The following MINDY4B variants were observed in gnomAD, a reference collection of about 807,000 sequenced individuals.
MINDY4B encodes MINDY family member 4B.
In MINDY4B, 25 loss-of-function variants were observed where a neutral mutation model predicts 16.7. The ratio of observed to expected loss-of-function variants is 1.49; its 90% CI spans 1.09 to 2.09. The LOEUF (loss-of-function observed/expected upper bound fraction) is 2.09. Among genes scored for constraint, MINDY4B ranks in the 30% most tolerant of loss-of-function variants. The pLI is 0.00. For synonymous variants in MINDY4B, 132 were observed against 61.9 expected (o/e 2.13, Z -5.32); for missense variants, 327 against 168.4 (o/e 1.94, Z -5.21).
chr3:150,881,160 A>G (rs1370471407), intron 10 of MINDY4B, among the ~76,000 whole-genome samples: 2 of 152,190 alleles, frequency 1.3e-5, no homozygotes, highest in Non-Finnish European at 2.9e-5. Flanking sequence ...AGGTGGGTGG[A>G]TAAATTGAGA....
chr3:150,892,996 G>T (rs1711855826), intron 5 of MINDY4B, among the ~76,000 whole-genome samples: 1 of 151,044 alleles, frequency 6.6e-6, no homozygotes. Context: ...TCACCCCTTT[G>T]TTCCTCCCTA....
rs142472450 is a variant in MINDY4B, at chr3:150,890,434, C to T, written c.688-49G>A. On this transcript the variant is annotated intron_variant, in intron 6 of 11. Transcript: ENST00000465419. ...AAAATGAAAAGGAAGATGAAAGTTA[C>T]ATCTAAGAGATGTCAACTCACTGTT... is the stretch of plus-strand genomic sequence containing the variant. The T allele has an allele frequency of 1.4e-4, 79 of 570,906 alleles. No individual in the cohort carries two copies. In the East Asian group the frequency reaches 2.2e-3, roughly 16 times the overall value. The allele number at this position is 570,906 out of a possible 1,614,324, so 35.4% of individuals were successfully genotyped here.
At chr3:150,895,762 G>C (rs1711946187) in intron 3 of MINDY4B, among the ~76,000 whole-genome samples, 1 of 152,142 alleles carries the variant, frequency 6.6e-6, no homozygotes, top group Non-Finnish European at 1.5e-5. Flanking sequence ...ACCACACCTG[G>C]CCTTGTCTCA....
chr3:150,877,787 A>G (rs762473214), intron 10 of MINDY4B, among the ~76,000 whole-genome samples: 1 of 152,212 alleles, frequency 6.6e-6, no homozygotes, highest in Non-Finnish European at 1.5e-5. Flanking sequence ...CAACACGAGT[A>G]TACCTATAAC....
intron 3 of MINDY4B, among the ~76,000 whole-genome samples, chr3:150,895,107 C>T (rs1393863759): frequency 6.6e-6 from 1 of 152,114 alleles, no homozygotes; most frequent in Admixed American, 6.5e-5. Flanking sequence ...GGGATAAGTG[C>T]TTCCCATTTA....
rs1711797767 is a variant in MINDY4B at position 150,891,263 on chromosome 3, A to G, written c.522-160T>C. 5 of 598,176 alleles carry G rather than the reference A, an allele frequency of 8.4e-6. No individual in the cohort carries two copies. The South Asian group carries it at 9.6e-5, about 12-fold the overall frequency. The allele number at this position is 598,176 out of a possible 1,614,324, so 37.1% of individuals were successfully genotyped here. A position where few individuals can be genotyped will look rare whatever the true frequency, so the allele number is the denominator to read the frequency against. Reference sequence around the variant, plus strand: ...CAAAGTTCCTGCCCTTGACTTTTATACTGCATTGAATACACTCAGGGTCTG... The same window carrying G: ...CAAAGTTCCTGCCCTTGACTTTTATGCTGCATTGAATACACTCAGGGTCTG... On this transcript the variant is annotated intron_variant, in intron 5 of 11. Transcript: ENST00000465419.
At chr3:150,897,321 CTGTGTGTG>C (rs3062408) in intron 3 of MINDY4B, among the ~76,000 whole-genome samples, 1,463 of 130,584 alleles carry the variant, frequency 0.011, 14 homozygotes, top group African/African-American at 0.027. Flanking sequence ...GTGACTGGAA[CTGTGTGTG>C]TGTGTGTGTG....
chr3:150,883,792 A>G lies in MINDY4B; in HGVS notation c.825-20T>C, dbSNP rs1384474348. 1 of 702,600 alleles carries G rather than the reference A, an allele frequency of 1.4e-6. No individual in the cohort carries two copies. The allele number at this position is 702,600 out of a possible 1,614,324, so 43.5% of individuals were successfully genotyped here. A position where few individuals can be genotyped will look rare whatever the true frequency, so the allele number is the denominator to read the frequency against. On this transcript the variant is annotated intron_variant, in intron 8 of 11. Transcript: ENST00000465419. ...TGAAGCCTGCAGAGTGGGAGAAGCC[A>G]TCAGCATCCAGTCAGAGACAGTGCA...
intron 5 of MINDY4B, among the ~76,000 whole-genome samples, chr3:150,891,926 A>G (rs1711823768): frequency 6.6e-6 from 1 of 152,192 alleles, no homozygotes; most frequent in Admixed American, 6.5e-5. Flanking sequence ...AGACGTAGTT[A>G]CTTGTTCACA....
intron 10 of MINDY4B, among the ~76,000 whole-genome samples, chr3:150,880,305 CTGTGTGTGTGTGTGTGTG>C (rs60659488): frequency 6.7e-6 from 1 of 149,778 alleles, no homozygotes; most frequent in Non-Finnish European, 1.5e-5. Context: ...AGGTTCCCAT[CTGTGTGTGTGTGTGTGTG>C]TGTGTGTGTG....
Position 150,873,318 on chromosome 3 carries a change from A to T in MINDY4B, c.1109T>A (p.Ile370Asn). The T allele has an allele frequency of 1.4e-6, 1 of 702,854 alleles. No homozygotes were observed. Among genetic ancestry groups the T allele is most frequent in the South Asian group, 1.5e-5 (1 of 67,596 alleles). 43.5% of individuals were successfully genotyped at this position (702,854 alleles called of 1,614,324 possible). Residue 370 changes from isoleucine (I) to asparagine (N), a missense_variant, in exon 11 of 12, where the codon ATC becomes AAC. By Grantham distance (149) the Ile-to-Asn change is moderately radical. Coordinates refer to ENST00000465419, the MANE Select transcript of MINDY4B (RefSeq NM_001351281.2). ...TPKLPIWLCN[I>N]NGNYSILFCT... ...AAAAAGGATGCTGTAATTTCCATTGATGTTGCACAGCCAAATAGGTAATTT... is the reference window on the plus strand; with the variant it reads ...AAAAAGGATGCTGTAATTTCCATTGTTGTTGCACAGCCAAATAGGTAATTT...
intron 3 of MINDY4B, among the ~76,000 whole-genome samples, chr3:150,902,755 T>C (rs959948835): frequency 1.3e-5 from 2 of 152,226 alleles, no homozygotes; most frequent in Non-Finnish European, 2.9e-5. Flanking sequence ...CATGTTCTTT[T>C]CAAATCTGCA....
At chr3:150,905,129 C>T (rs1352468451) in intron 1 of MINDY4B, 40 bp from the exon 2 acceptor site, 1 of 398,424 alleles carries the variant, frequency 2.5e-6, no homozygotes, top group Admixed American at 4.4e-5. Context: ...ATTACTCACT[C>T]TCTTCAAACC....
At chr3:150,877,918 A>G (rs1245790924) in intron 10 of MINDY4B, among the ~76,000 whole-genome samples, 2 of 152,204 alleles carry the variant, frequency 1.3e-5, no homozygotes, top group African/African-American at 4.8e-5. Flanking sequence ...ATAATCAAAG[A>G]TGATAATGGC....
chr3:150,872,591 T>C (rs978572339), intron 11 of MINDY4B, among the ~76,000 whole-genome samples: 4 of 152,238 alleles, frequency 2.6e-5, no homozygotes, highest in Non-Finnish European at 5.9e-5. Context: ...GAACCATGTT[T>C]GTGGAACTTT....
At chr3:150,890,096 G>T (rs1342282869) in intron 7 of MINDY4B, among the ~76,000 whole-genome samples, 1 of 151,996 alleles carries the variant, frequency 6.6e-6, no homozygotes, top group Non-Finnish European at 1.5e-5. Context: ...ATTAACCAAA[G>T]AAAAAGATGC....
chr3:150,900,122 C>T (rs1265402625), intron 3 of MINDY4B, among the ~76,000 whole-genome samples: 4 of 152,196 alleles, frequency 2.6e-5, no homozygotes, highest in African/African-American at 4.8e-5. Context: ...TCACCTTTCC[C>T]ACGATTTCAC....
At chr3:150,881,106 C>A (rs939745121) in intron 10 of MINDY4B, among the ~76,000 whole-genome samples, 1 of 152,120 alleles carries the variant, frequency 6.6e-6, no homozygotes, top group African/African-American at 2.4e-5. Flanking sequence ...AATGAGAGGC[C>A]AGGCAGTGGC....
chr3:150,875,008 G>A (rs1051047200), intron 10 of MINDY4B, among the ~76,000 whole-genome samples: 12 of 152,154 alleles, frequency 7.9e-5, no homozygotes, highest in African/African-American at 2.7e-4. Context: ...CATAATGGGG[G>A]CAGGATTTAC....
Sources: allele counts gnomAD v4.1 joint callset (sites outside exome capture counted in the v4.1 genomes callset), GRCh38; gene constraint gnomAD v4.1.1; transcripts MANE v1.5; gene names NCBI Gene and HGNC (gene_info 2026-07-23, HGNC 2026-07-21).